FUBP1: variants seen among roughly 807,000 people sequenced by gnomAD.
The protein encoded by FUBP1 is far upstream element binding protein 1, also known as far upstream element-binding protein 1.
Under a neutral mutation model 94.9 loss-of-function variants are expected in FUBP1, and 16 were observed. The observed-to-expected ratio is 0.17, with a 90% CI of 0.11 to 0.26. The LOEUF (loss-of-function observed/expected upper bound fraction) is 0.26, where lower values mean the gene tolerates loss of function less well. Among genes scored for constraint, FUBP1 ranks in the 10% least tolerant of loss-of-function variants. The probability of loss-of-function intolerance (pLI) is 1.00; values close to 1 mark genes in which losing one functional copy is unlikely to be tolerated. For synonymous variants in FUBP1, 279 were observed against 254.9 expected (o/e 1.09, Z -0.90); for missense variants, 583 against 808.6 (o/e 0.72, Z 3.38).
chr1:77,947,916 T>C lies in FUBP1; in HGVS notation c.*850A>G, dbSNP rs1210202676. On this transcript the variant is annotated 3_prime_UTR_variant, in exon 20 of 20. Coordinates refer to ENST00000370768, the MANE Select transcript of FUBP1 (RefSeq NM_003902.5). The stretch of plus-strand genomic sequence containing the variant: ...AGAAACACACTAACATTATATACAT[T>C]GAAAGAGTTGCTTCACATGGAAAAA... 3.0e-6 allele frequency: 3 copies of C among 985,250 alleles called. No homozygotes were observed. In the East Asian group the frequency reaches 1.6e-4, roughly 54 times the overall value. The allele number at this position is 985,250 out of a possible 1,614,324, so 61.0% of individuals were successfully genotyped here.
At chr1:77,956,411 A>G (rs942025915) in intron 17 of FUBP1, among the ~76,000 whole-genome samples, 161 bp downstream of exon 17, 11 of 152,232 alleles carry the variant, frequency 7.2e-5, no homozygotes, top group African/African-American at 2.7e-4. Flanking sequence ...AACTTTTATG[A>G]AAGTTTGAAA....
chr1:77,945,873 A>G lies in FUBP1; in HGVS notation c.*2893T>C, dbSNP rs1571192319. 1 of 209,710 alleles carries G rather than the reference A, an allele frequency of 4.8e-6. No individual in the cohort carries two copies. The highest frequency in any genetic ancestry group is 7.2e-5 in the East Asian group (1 of 13,862). 13.0% of individuals were successfully genotyped at this position (209,710 alleles called of 1,614,324 possible). On this transcript the variant is annotated 3_prime_UTR_variant, in exon 20 of 20. Coordinates refer to ENST00000370768, the MANE Select transcript of FUBP1 (RefSeq NM_003902.5). Reference sequence around the variant, plus strand: ...TAAATGCAGCGTCAGTTATTAAAATATTATTAAATCAGAAAAATACTGATT... The same window carrying G: ...TAAATGCAGCGTCAGTTATTAAAATGTTATTAAATCAGAAAAATACTGATT...
chr1:77,978,898 T>C lies in FUBP1; in HGVS notation c.107A>G (p.Gln36Arg). 6.2e-7 allele frequency: 1 copy of C among 1,613,932 alleles called. No individual in the cohort carries two copies. The highest frequency in any genetic ancestry group is 8.5e-7 in the Non-Finnish European group (1 of 1,179,964). ...GTCCACACTTACCTGCCGGGCTCTC[T>C]GCAGTGCATCTTTGAAAGCGTCGTT... ...GVNDAFKDAL[Q>R]RARQIAAKIG... The change falls in exon 1 of 20, where the codon CAG (glutamine) becomes CGG (arginine). Residue 36 changes from glutamine (Q) to arginine (R), a missense_variant. By Grantham distance (43) the Gln-to-Arg change is conservative. Transcript: ENST00000370768.
At chr1:77,969,827 TAA>T (rs1657185616) in intron 2 of FUBP1, 96 bp downstream of exon 2, 1 of 527,998 alleles carries the variant, frequency 1.9e-6, no homozygotes, top group South Asian at 3.9e-5. Flanking sequence ...AACCTTATAA[TAA>T]AAGTTAATAT....
At chr1:77,972,454 G>T (rs17387365) in intron 1 of FUBP1, among the ~76,000 whole-genome samples, 13,701 of 151,946 alleles carry the variant, frequency 0.09, 818 homozygotes, top group Admixed American at 0.18. Context: ...AAATGAAAAT[G>T]AAAGCTGAGG....
intron 16 of FUBP1, among the ~76,000 whole-genome samples, chr1:77,959,862 AT>A (rs1257443813): frequency 1.3e-5 from 2 of 152,236 alleles, no homozygotes; most frequent in East Asian, 3.8e-4. Flanking sequence ...TCCACAGATA[AT>A]GTCACAATGA....
intron 1 of FUBP1, among the ~76,000 whole-genome samples, chr1:77,977,925 C>T (rs781021935): frequency 6.6e-6 from 1 of 152,176 alleles, no homozygotes; most frequent in Non-Finnish European, 1.5e-5. Flanking sequence ...AAGTGAACTC[C>T]TAATGCAACG....
chr1:77,972,705 T>C lies in FUBP1; in HGVS notation c.121-2690A>G, dbSNP rs542172092. Among the ~76,000 whole-genome samples the C allele has an allele frequency of 1.9e-4, 28 of 151,304 alleles. No homozygotes were observed. In the South Asian group the frequency reaches 5.9e-3, roughly 32 times the overall value. On this transcript the variant is annotated intron_variant, in intron 1 of 19. Transcript: ENST00000370768. Reference sequence around the variant, plus strand: ...TGAACCCGGGAGGCAGAGGTCGCAGTGAGCCAAGATCGCACCACTGCACTC... The same window carrying C: ...TGAACCCGGGAGGCAGAGGTCGCAGCGAGCCAAGATCGCACCACTGCACTC...
chr1:77,945,464 G>C lies in FUBP1; in HGVS notation c.*3302C>G. 1 of 211,180 alleles carries C rather than the reference G, an allele frequency of 4.7e-6. No homozygotes were observed. The highest frequency in any genetic ancestry group is 9.6e-6 in the Non-Finnish European group (1 of 104,066). 13.1% of individuals were successfully genotyped at this position (211,180 alleles called of 1,614,324 possible). On this transcript the variant is annotated 3_prime_UTR_variant, in exon 20 of 20. Coordinates refer to ENST00000370768, the MANE Select transcript of FUBP1 (RefSeq NM_003902.5). ...ACACCCTATACCATATTATGTATGGGAATACATTTCATATTTCTCAATTAT... is the reference window on the plus strand; with the variant it reads ...ACACCCTATACCATATTATGTATGGCAATACATTTCATATTTCTCAATTAT...
Position 77,960,463 on chromosome 1 carries a change from G to T in FUBP1, c.1377C>A (p.Pro459=). 6.3e-7 allele frequency: 1 copy of T among 1,597,724 alleles called. No individual in the cohort carries two copies. Among genetic ancestry groups the T allele is most frequent in the Non-Finnish European group, 8.5e-7 (1 of 1,176,030 alleles). ...GPVNPLGPPV[P]HGPHGVPGPH... ...GGCCTGGGACACCATGGGGCCCATG[G>T]GGTACAGGTGGCCCTAAAGGATTTA... Residue 459 remains proline (P), a synonymous_variant, in exon 15 of 20, where the codon CCC becomes CCA. Coordinates refer to ENST00000370768, the MANE Select transcript of FUBP1 (RefSeq NM_003902.5).
At chr1:77,964,589 C>A in intron 10 of FUBP1, 57 bp downstream of exon 10, 1 of 967,646 alleles carries the variant, frequency 1.0e-6, no homozygotes, top group Admixed American at 1.8e-5. Context: ...AAACAGAAAA[C>A]ACTATTATAT....
chr1:77,979,057 C>A lies in FUBP1; in HGVS notation c.-53G>T. On this transcript the variant is annotated 5_prime_UTR_variant, in exon 1 of 20. Coordinates refer to ENST00000370768, the MANE Select transcript of FUBP1 (RefSeq NM_003902.5). ...TGTTCAGAGACTTCCTCTCAGCTAA[C>A]AGCTAAGAAAGAAAGAAAATGGCGG... The A allele has an allele frequency of 1.3e-6, 2 of 1,515,848 alleles. No individual in the cohort carries two copies. Among genetic ancestry groups the A allele is most frequent in the Non-Finnish European group, 8.9e-7 (1 of 1,123,952 alleles). 93.9% of individuals were successfully genotyped at this position (1,515,848 alleles called of 1,614,324 possible). A position where few individuals can be genotyped will look rare whatever the true frequency, so the allele number is the denominator to read the frequency against.
rs1233499220 is a variant in FUBP1, at chr1:77,946,370, A to C, written c.*2396T>G. 5.1e-6 allele frequency: 1 copy of C among 195,482 alleles called. No individual in the cohort carries two copies. Among genetic ancestry groups the C allele is most frequent in the Non-Finnish European group, 1.1e-5 (1 of 93,766 alleles). The allele number at this position is 195,482 out of a possible 1,614,324, so 12.1% of individuals were successfully genotyped here. On this transcript the variant is annotated 3_prime_UTR_variant, in exon 20 of 20. Transcript: ENST00000370768. ...CAGAAATGTAAACAGTTGCTTTAAC[A>C]ACTTACAGACTTTCCACTAAGATGG...
chr1:77,964,552 A>G, intron 10 of FUBP1, 94 bp downstream of exon 10: 1 of 775,984 alleles, frequency 1.3e-6, no homozygotes, highest in Non-Finnish European at 2.2e-6. Flanking sequence ...AAATAAAAGG[A>G]TAACAATGTT....
chr1:77,944,585 C>G lies in FUBP1; in HGVS notation c.*4181G>C, dbSNP rs1651764361. Among the ~76,000 whole-genome samples, 1 of 151,776 alleles carries G rather than the reference C, an allele frequency of 6.6e-6. No homozygotes were observed. The highest frequency in any genetic ancestry group is 1.5e-5 in the Non-Finnish European group (1 of 67,824). On this transcript the variant is annotated 3_prime_UTR_variant, in exon 20 of 20. Transcript: ENST00000370768. ...TTGCAGAAAATAAAAACAAGACATC[C>G]TCACTGATTAGTAAACTCTACATCA...
chr1:77,950,776 T>C (rs767994100), intron 18 of FUBP1, among the ~76,000 whole-genome samples: 50 of 152,182 alleles, frequency 3.3e-4, no homozygotes, highest in Non-Finnish European at 5.6e-4. Context: ...CTTTTTATGT[T>C]TGTAGGATGC....
At chr1:77,958,370 T>C (rs977588047) in intron 16 of FUBP1, among the ~76,000 whole-genome samples, 1 of 152,250 alleles carries the variant, frequency 6.6e-6, no homozygotes, top group Non-Finnish European at 1.5e-5. Flanking sequence ...TAGTAAACTG[T>C]AGGACTAGGA....
chr1:77,960,102 T>A (rs1655178069), intron 16 of FUBP1, 82 bp downstream of exon 16: 4 of 985,956 alleles, frequency 4.1e-6, no homozygotes, highest in South Asian at 2.8e-5. Context: ...CATACAAATG[T>A]AGAATCAACA....
At chr1:77,965,390 A>G (rs919380386) in intron 7 of FUBP1, among the ~76,000 whole-genome samples, 159 bp from the exon 8 acceptor site, 7 of 152,216 alleles carry the variant, frequency 4.6e-5, no homozygotes, top group Admixed American at 2.6e-4. Context: ...TAACTGAAAG[A>G]AAATGCCATC....
Sources: gnomAD v4.1 joint callset for allele counts (sites outside exome capture counted in the v4.1 genomes callset) on GRCh38, gnomAD v4.1.1 for gene constraint, MANE v1.5 for transcripts, NCBI Gene and HGNC (gene_info 2026-07-23, HGNC 2026-07-21) for gene names.